The following LMO3 variants were observed in gnomAD, a reference collection of about 807,000 sequenced individuals.
LMO3 encodes LIM domain only protein 3.
Under a neutral mutation model 15.8 loss-of-function variants are expected in LMO3, and 2 were observed. The observed-to-expected ratio is 0.13, with a 90% CI of 0.05 to 0.40. The LOEUF is 0.40. LMO3 is among the 10% of genes least tolerant of loss of function. The probability of loss-of-function intolerance (pLI) is 0.99; values close to 1 mark genes in which losing one functional copy is unlikely to be tolerated. For missense variants in LMO3, 86 were observed against 182.2 expected (o/e 0.47, Z 3.04); for synonymous variants, 62 against 63.8 (o/e 0.97, Z 0.13).
intron 3 of LMO3, among the ~76,000 whole-genome samples, chr12:16,557,458 A>T (rs1942234474): frequency 6.6e-6 from 1 of 151,812 alleles, no homozygotes; most frequent in Non-Finnish European, 1.5e-5. Context: ...TAGGAGAATA[A>T]TTGGTATAAC....
intron 2 of LMO3, chr12:16,567,326 T>A (rs1942653346): frequency 6.5e-6 from 1 of 154,558 alleles, no homozygotes; most frequent in Admixed American, 6.5e-5. Flanking sequence ...AGATGCCTAC[T>A]ACGTGCAAGG....
In LMO3 at chr12:16,575,274, A is replaced by G. The variant is rs539660589; in HGVS notation, c.207-14736T>C. Among the ~76,000 whole-genome samples the G allele has an allele frequency of 2.6e-5, 4 of 152,334 alleles. No homozygotes were observed. In the South Asian group the frequency reaches 8.3e-4, roughly 32 times the overall value. ...TTTGTTTATCTTCAAAAATATAGGC[A>G]TAAGGTCAATTTCCACACACTAAAC... On this transcript the variant is annotated intron_variant, in intron 2 of 3. Coordinates refer to ENST00000537304, the MANE Select transcript of LMO3 (RefSeq NM_018640.5).
At chr12:16,565,623 C>G (rs1241461944) in intron 2 of LMO3, among the ~76,000 whole-genome samples, 1 of 152,012 alleles carries the variant, frequency 6.6e-6, no homozygotes, top group Non-Finnish European at 1.5e-5. Context: ...TTATTTTGAA[C>G]TGTGTTTCTA....
At chr12:16,583,338 G>A (rs746427185) in intron 2 of LMO3, among the ~76,000 whole-genome samples, 1 of 152,190 alleles carries the variant, frequency 6.6e-6, no homozygotes, top group East Asian at 1.9e-4. Flanking sequence ...GACAATAGGG[G>A]AATTGATAAC....
rs964217704 is a variant in LMO3 at position 16,585,920 on chromosome 12, T to C, written c.206+14735A>G. Reference sequence around the variant, plus strand: ...CATTTATAGTCTCAGAAATCTTGCTTATCCTAAGATCTGGGCGACATTTCA... The same window carrying C: ...CATTTATAGTCTCAGAAATCTTGCTCATCCTAAGATCTGGGCGACATTTCA... On this transcript the variant is annotated intron_variant, in intron 2 of 3. Transcript: ENST00000537304. The surrounding 1 kb of genome is among the most constrained non-coding windows in gnomAD (Gnocchi z 4.7). 1.3e-5 allele frequency among the ~76,000 whole-genome samples: 2 copies of C among 152,186 alleles called. No individual in the cohort carries two copies. The highest frequency in any genetic ancestry group is 2.4e-5 in the African/African-American group (1 of 41,456).
intron 2 of LMO3, among the ~76,000 whole-genome samples, chr12:16,572,421 T>C (rs1405515558): frequency 1.4e-5 from 2 of 146,776 alleles, no homozygotes; most frequent in Admixed American, 6.8e-5. Context: ...TGTATCTATC[T>C]TCTTTATTAA....
At position 16,555,293 on chromosome 12, in the gene LMO3, C is replaced by G. The variant is rs1416512662; in HGVS notation, c.333-3966G>C. The stretch of plus-strand genomic sequence containing the variant: ...CTTGAGTTCCCATTGCCTCCATCAA[C>G]ATCTTCTGACCATGTAAATTTGCTT... On this transcript the variant is annotated intron_variant, in intron 3 of 3. Transcript: ENST00000537304. This position sits in a 1 kb window ranked among gnomAD's most constrained non-coding sequence, Gnocchi z 5.5. Among the ~76,000 whole-genome samples the G allele has an allele frequency of 6.6e-6, 1 of 152,206 alleles. No homozygotes were observed. Among genetic ancestry groups the G allele is most frequent in the Admixed American group, 6.5e-5 (1 of 15,286 alleles).
At chr12:16,595,979 A>G (rs1274653611) in intron 2 of LMO3, among the ~76,000 whole-genome samples, 3 of 151,556 alleles carry the variant, frequency 2.0e-5, no homozygotes, top group Non-Finnish European at 3.0e-5. Context: ...TATCAACATT[A>G]AAAAAGCATC....
chr12:16,587,375 C>G lies in LMO3; in HGVS notation c.206+13280G>C, dbSNP rs1383426716. Among the ~76,000 whole-genome samples the G allele has an allele frequency of 1.3e-5, 2 of 152,126 alleles. No homozygotes were observed. The highest frequency in any genetic ancestry group is 3.9e-4 in the East Asian group (2 of 5,192). ...TCCAAAGCATTCTTAAAACGTTTCA[C>G]TTAAACATTTCTGCAATAAAATCTT... On this transcript the variant is annotated intron_variant, in intron 2 of 3. Coordinates refer to ENST00000537304, the MANE Select transcript of LMO3 (RefSeq NM_018640.5). The surrounding 1 kb of genome is among the most constrained non-coding windows in gnomAD (Gnocchi z 4.3).
chr12:16,578,485 G>A (rs1943061493), intron 2 of LMO3, among the ~76,000 whole-genome samples: 1 of 152,068 alleles, frequency 6.6e-6, no homozygotes, highest in African/African-American at 2.4e-5. Flanking sequence ...CCATGCTCAG[G>A]TCTGACCTTA....
Position 16,560,663 on chromosome 12 carries a change from G to T in LMO3, c.207-125C>A. ...ACAATGCTTTATGATGTACACAAGT[G>T]GATTTTATCCTAGGTGTATGCATAA... On this transcript the variant is annotated intron_variant, in intron 2 of 3. Coordinates refer to ENST00000537304, the MANE Select transcript of LMO3 (RefSeq NM_018640.5). This position sits in a 1 kb window ranked among gnomAD's most constrained non-coding sequence, Gnocchi z 5.0. 1.2e-6 allele frequency: 1 copy of T among 832,636 alleles called. No individual in the cohort carries two copies. The highest frequency in any genetic ancestry group is 1.9e-6 in the Non-Finnish European group (1 of 530,212). 51.6% of individuals were successfully genotyped at this position (832,636 alleles called of 1,614,324 possible).
chr12:16,600,891 A>T, intron 1 of LMO3, 23 bp from the exon 2 acceptor site: 2 of 1,560,392 alleles, frequency 1.3e-6, no homozygotes, highest in Non-Finnish European at 1.8e-6. Context: ...AAAAGCAAAA[A>T]AGAGAGCTGA....
chr12:16,605,876 A>C, intron 1 of LMO3, 190 bp downstream of exon 1: 1 of 1,504,826 alleles, frequency 6.6e-7, no homozygotes, highest in Non-Finnish European at 8.9e-7. Context: ...TGATTTAAAC[A>C]AAACCGTCTC....
At chr12:16,588,719 T>G (rs545766567) in intron 2 of LMO3, among the ~76,000 whole-genome samples, 280 of 152,248 alleles carry the variant, frequency 1.8e-3, no homozygotes, top group African/African-American at 6.4e-3. Flanking sequence ...ATTTAGACAT[T>G]TCTCCACCCA....
rs1565517838 is a variant in LMO3, at chr12:16,604,848, A to T, written c.-9+1218T>A. 3 of 1,598,376 alleles carry T rather than the reference A, an allele frequency of 1.9e-6. No homozygotes were observed. Among genetic ancestry groups the T allele is most frequent in the East Asian group, 4.5e-5 (2 of 44,878 alleles). ...AGAGCGCCAGCAAAGTGCATCTATG[A>T]TAGACTGTAACCTTACCAAAACTTT... On this transcript the variant is annotated intron_variant, in intron 1 of 3. Coordinates refer to ENST00000537304, the MANE Select transcript of LMO3 (RefSeq NM_018640.5). The surrounding 1 kb of genome is among the most constrained non-coding windows in gnomAD (Gnocchi z 5.3).
intron 2 of LMO3, among the ~76,000 whole-genome samples, chr12:16,563,240 T>C (rs1942466403): frequency 6.6e-6 from 1 of 152,136 alleles, no homozygotes; most frequent in Admixed American, 6.6e-5. Flanking sequence ...AAGCGATGCA[T>C]TTGTTAGACT....
At position 16,604,925 on chromosome 12, in the gene LMO3, C is replaced by G. The variant is rs1301587844; in HGVS notation, c.-9+1141G>C. The G allele has an allele frequency of 6.3e-7, 1 of 1,598,428 alleles. No individual in the cohort carries two copies. Among genetic ancestry groups the G allele is most frequent in the Non-Finnish European group, 8.5e-7 (1 of 1,179,804 alleles). ...AGGCGTGTCTGAGTTGCAGCAGCTTCGCATTGAGCACCAAACCCAAAGGTA... is the reference window on the plus strand; with the variant it reads ...AGGCGTGTCTGAGTTGCAGCAGCTTGGCATTGAGCACCAAACCCAAAGGTA... On this transcript the variant is annotated intron_variant, in intron 1 of 3. Transcript: ENST00000537304. The surrounding 1 kb of genome is among the most constrained non-coding windows in gnomAD (Gnocchi z 5.3).
In LMO3 at chr12:16,586,666, T is replaced by A. The variant is rs1041537462; in HGVS notation, c.206+13989A>T. Reference sequence around the variant, plus strand: ...AGGATGTGGCAATAAGGCTATACCGTCGGGGTAGAGATTTCAAGATACACA... The same window carrying A: ...AGGATGTGGCAATAAGGCTATACCGACGGGGTAGAGATTTCAAGATACACA... On this transcript the variant is annotated intron_variant, in intron 2 of 3. Transcript: ENST00000537304. This position sits in a 1 kb window ranked among gnomAD's most constrained non-coding sequence, Gnocchi z 4.3. Among the ~76,000 whole-genome samples, 1 of 152,154 alleles carries A rather than the reference T, an allele frequency of 6.6e-6. No homozygotes were observed. The highest frequency in any genetic ancestry group is 1.5e-5 in the Non-Finnish European group (1 of 68,024).
rs1343654666 is a variant in LMO3 at position 16,548,499 on chromosome 12, ACT to A, written c.*2721_*2722del. On this transcript the variant is annotated 3_prime_UTR_variant, in exon 4 of 4. Coordinates refer to ENST00000537304, the MANE Select transcript of LMO3 (RefSeq NM_018640.5). The surrounding 1 kb of genome is among the most constrained non-coding windows in gnomAD (Gnocchi z 4.2). ...ACACAGGTCAACTTTTAAACTCAGC[ACT>A]CTGTTGGAGTGGAGGTGCACGGTCC... The A allele has an allele frequency of 3.3e-5, 5 of 152,130 alleles. No homozygotes were observed. The highest frequency in any genetic ancestry group is 1.2e-4 in the African/African-American group (5 of 41,428). The allele number at this position is 152,130 out of a possible 1,614,324, so 9.4% of individuals were successfully genotyped here.
Sources: allele counts gnomAD v4.1 joint callset (sites outside exome capture counted in the v4.1 genomes callset), GRCh38; gene constraint gnomAD v4.1.1; non-coding constraint Gnocchi (gnomAD v3.1); transcripts MANE v1.5; gene names NCBI Gene and HGNC (gene_info 2026-07-23, HGNC 2026-07-21).